Variants in SYT3 observed in about 807,000 individuals in gnomAD.
The protein encoded by SYT3 is synaptotagmin 3, also known as synaptotagmin-3.
A neutral mutation model predicts 50.6 loss-of-function variants in SYT3; 25 were observed. The ratio of observed to expected loss-of-function variants is 0.49; its 90% CI spans 0.36 to 0.69. SYT3 has a LOEUF of 0.69. Among genes scored for constraint, SYT3 ranks in the 30% least tolerant of loss-of-function variants. The pLI, the probability that SYT3 is intolerant of heterozygous loss-of-function variation, is 0.00. For missense variants in SYT3, 589 were observed against 793.6 expected, an observed-to-expected ratio of 0.74 and a Z score of 3.10; for synonymous variants, 323 against 353.9, an observed-to-expected ratio of 0.91 and a Z score of 0.98.
chr19:50,627,889 G>A (rs1225051218), intron 6 of SYT3, among the ~76,000 whole-genome samples: 1 of 152,204 alleles, frequency 6.6e-6, no homozygotes, highest in African/African-American at 2.4e-5. Context: ...GGCTGCCATG[G>A]GTGATGACTG....
Position 50,625,781 on chromosome 19 carries a change from TC to T in SYT3, c.1402+115del. 2.3e-5 allele frequency: 13 copies of T among 554,206 alleles called. 4 individuals carry two copies. Among genetic ancestry groups the T allele is most frequent in the South Asian group, 9.6e-5 (5 of 52,278 alleles). 34.3% of individuals were successfully genotyped at this position (554,206 alleles called of 1,614,324 possible). ...GCCCCTCCTCCCTCAGACCCAGGAG[TC>T]CAGATCCCCAGCTCCTCCTCCCTCA... On this transcript the variant is annotated intron_variant, in intron 7 of 10. Coordinates refer to ENST00000600079, the MANE Select transcript of SYT3 (RefSeq NM_001160329.2). This position sits in a 1 kb window ranked among gnomAD's most constrained non-coding sequence, Gnocchi z 7.5.
rs1339581216 is a variant in SYT3 at position 50,625,301 on chromosome 19, G to T, written c.1575-7C>A. 3.9e-6 allele frequency: 6 copies of T among 1,533,020 alleles called. No homozygotes were observed. The highest frequency in any genetic ancestry group is 2.5e-5 in the East Asian group (1 of 40,760). The allele number at this position is 1,533,020 out of a possible 1,614,324, so 95.0% of individuals were successfully genotyped here. ...CACCTCGTTGTGCCCGATGCTGGGG[G>T]TTGGGGTCAGTGAGGACCGTGGAGG... On this transcript the variant is annotated splice_region_variant and splice_polypyrimidine_tract_variant and intron_variant, in intron 8 of 10. Coordinates refer to ENST00000600079, the MANE Select transcript of SYT3 (RefSeq NM_001160329.2). The surrounding 1 kb of genome is among the most constrained non-coding windows in gnomAD (Gnocchi z 7.5).
chr19:50,629,511 A>T lies in SYT3; in HGVS notation c.1064T>A (p.Val355Glu). Reference protein sequence around the residue: ...PDRKKKFQTKVHRKTLNPVFN... With the variant: ...PDRKKKFQTKEHRKTLNPVFN... ...GACGGGGTTCAGGGTCTTCCTGTGCACCTGGTGGTGGTGGGCGACAGGAGA... is the reference window on the plus strand; with the variant it reads ...GACGGGGTTCAGGGTCTTCCTGTGCTCCTGGTGGTGGTGGGCGACAGGAGA... The change falls in exon 6 of 11, where the codon GTG becomes GAG. Residue 355 changes from valine (V) to glutamate (E), a missense_variant and splice_region_variant. Physicochemically the swap from Val to Glu is moderately radical, Grantham distance 121. Coordinates refer to ENST00000600079, the MANE Select transcript of SYT3 (RefSeq NM_001160329.2). 6.2e-7 allele frequency: 1 copy of T among 1,612,624 alleles called. No individual in the cohort carries two copies. Among genetic ancestry groups the T allele is most frequent in the East Asian group, 2.2e-5 (1 of 44,826 alleles).
the SYT3 span, among the ~76,000 whole-genome samples, chr19:50,652,851 C>T: frequency 6.6e-6 from 1 of 151,990 alleles, no homozygotes; most frequent in Non-Finnish European, 1.5e-5. Flanking sequence ...GAGGAAGGCA[C>T]CTGGGGAGAT....
At position 50,625,487 on chromosome 19, in the gene SYT3, G is replaced by T; in HGVS notation, c.1480C>A (p.Leu494Met). The stretch of plus-strand genomic sequence containing the variant: ...AGCGCCTCATTATAGGTGGGGTTCA[G>T]CGTGTTCTTCTTGATGGAGGTTTTC... Reference protein sequence around the residue: ...KRKTSIKKNTLNPTYNEALVF... With the variant: ...KRKTSIKKNTMNPTYNEALVF... Residue 494 changes from leucine to methionine, a missense_variant, in exon 8 of 11, where the codon CTG becomes ATG. This residue lies in a region of SYT3 where 273 missense variants were observed against 439.3 expected (regional missense o/e 0.62). Coordinates refer to ENST00000600079, the MANE Select transcript of SYT3 (RefSeq NM_001160329.2). This position sits in a 1 kb window ranked among gnomAD's most constrained non-coding sequence, Gnocchi z 7.5. The T allele has an allele frequency of 6.2e-7, 1 of 1,608,990 alleles. No individual in the cohort carries two copies. Among genetic ancestry groups the T allele is most frequent in the Non-Finnish European group, 8.5e-7 (1 of 1,178,116 alleles).
At chr19:50,629,741 T>A in intron 5 of SYT3, 43 bp downstream of exon 5, 1 of 1,205,520 alleles carries the variant, frequency 8.3e-7, no homozygotes, top group Non-Finnish European at 1.1e-6. Context: ...GAGCCCTAGC[T>A]CCCTCTCTGT....
upstream of SYT3, among the ~76,000 whole-genome samples, chr19:50,642,695 G>T (rs565135400): frequency 2.0e-5 from 3 of 152,032 alleles, no homozygotes; most frequent in Admixed American, 1.3e-4. Flanking sequence ...TTAGCCGGGC[G>T]TGGTGGCACA....
the SYT3 span, among the ~76,000 whole-genome samples, chr19:50,648,190 C>T: frequency 6.6e-6 from 1 of 152,026 alleles, no homozygotes; most frequent in African/African-American, 2.4e-5. Context: ...CCGAGAGCTC[C>T]AACCCTGGCT....
At position 50,625,757 on chromosome 19, in the gene SYT3, C is replaced by A; in HGVS notation, c.1402+140G>T. On this transcript the variant is annotated intron_variant, in intron 7 of 10. Coordinates refer to ENST00000600079, the MANE Select transcript of SYT3 (RefSeq NM_001160329.2). This position sits in a 1 kb window ranked among gnomAD's most constrained non-coding sequence, Gnocchi z 7.5. The stretch of plus-strand genomic sequence containing the variant: ...CCGACCCAGGAGTCCAGGCCCCTGG[C>A]CCCTCCTCCCTCAGACCCAGGAGTC... 1 of 896,418 alleles carries A rather than the reference C, an allele frequency of 1.1e-6. No individual in the cohort carries two copies. Among genetic ancestry groups the A allele is most frequent in the South Asian group, 1.6e-5 (1 of 60,648 alleles). 55.5% of individuals were successfully genotyped at this position (896,418 alleles called of 1,614,324 possible).
chr19:50,634,134 G>C lies in SYT3; in HGVS notation c.149-1323C>G, dbSNP rs141973502. Among the ~76,000 whole-genome samples, 257 of 152,332 alleles carry C rather than the reference G, an allele frequency of 1.7e-3. 1 individual carries two copies. The highest frequency in any genetic ancestry group is 5.8e-3 in the African/African-American group (240 of 41,566). On this transcript the variant is annotated intron_variant, in intron 3 of 10. Coordinates refer to ENST00000600079, the MANE Select transcript of SYT3 (RefSeq NM_001160329.2). ...TTGTTCTTACAATCAAAGGTTTTAGGCTTCTTCAGTAATTGGTACCAGGAG... is the reference window on the plus strand; with the variant it reads ...TTGTTCTTACAATCAAAGGTTTTAGCCTTCTTCAGTAATTGGTACCAGGAG...
the SYT3 span, among the ~76,000 whole-genome samples, chr19:50,647,305 G>A: frequency 1.3e-5 from 2 of 151,984 alleles, no homozygotes; most frequent in African/African-American, 4.8e-5. Context: ...GCAGGGCAGG[G>A]GCAGGTCAGT....
the SYT3 span, among the ~76,000 whole-genome samples, chr19:50,653,682 GCACA>G: frequency 0.08 from 9,682 of 121,684 alleles, 556 homozygotes; most frequent in East Asian, 0.11. Flanking sequence ...ATGAGAGACA[GCACA>G]CACACACACA....
upstream of SYT3, among the ~76,000 whole-genome samples, chr19:50,641,828 C>T (rs528464393): frequency 4.0e-5 from 6 of 151,364 alleles, no homozygotes; most frequent in South Asian, 2.1e-4. Flanking sequence ...CCAGCCTGGG[C>T]GACAGAGTGA....
At chr19:50,626,951 AAG>A (rs149199984) in intron 6 of SYT3, among the ~76,000 whole-genome samples, 7,839 of 146,594 alleles carry the variant, frequency 0.053, 364 homozygotes, top group African/African-American at 0.12. Context: ...CACCAAGAGA[AAG>A]AGAGAGAGAG....
chr19:50,636,807 TC>T (rs993460186), intron 3 of SYT3, among the ~76,000 whole-genome samples: 17 of 152,218 alleles, frequency 1.1e-4, no homozygotes, highest in African/African-American at 4.1e-4. Flanking sequence ...TGTTCTAAGT[TC>T]TTCGTAGGTG....
chr19:50,648,223 G>T, the SYT3 span, among the ~76,000 whole-genome samples: 1 of 152,046 alleles, frequency 6.6e-6, no homozygotes, highest in Admixed American at 6.5e-5. Flanking sequence ...AAAACCACAG[G>T]GGAAAAACCC....
chr19:50,656,142 C>G, the SYT3 span: 1 of 1,536,172 alleles, frequency 6.5e-7, no homozygotes, highest in South Asian at 1.2e-5. Flanking sequence ...CCCTGGCCCC[C>G]ATGACCTCTA....
At chr19:50,631,652 C>T (rs1020357535) in intron 4 of SYT3, among the ~76,000 whole-genome samples, 6 of 152,176 alleles carry the variant, frequency 3.9e-5, no homozygotes, top group Non-Finnish European at 7.4e-5. Context: ...TCCCAACTCT[C>T]CCTCAGCCTG....
At chr19:50,622,789 G>C in intron 9 of SYT3, 34 bp from the exon 10 acceptor site, 1 of 738,742 alleles carries the variant, frequency 1.4e-6, no homozygotes, top group Non-Finnish European at 2.5e-6. Context: ...TCGGGAGTGA[G>C]AGACAGAGAG....
Sources: gnomAD v4.1 joint callset for allele counts (sites outside exome capture counted in the v4.1 genomes callset) on GRCh38, gnomAD v4.1.1 for gene constraint, gnomAD v4.1.1 regional missense constraint, Gnocchi (gnomAD v3.1) non-coding constraint, MANE v1.5 for transcripts, NCBI Gene and HGNC (gene_info 2026-07-23, HGNC 2026-07-21) for gene names.